CAMSAP1: variants seen among roughly 807,000 people sequenced by gnomAD.
The protein encoded by CAMSAP1 is calmodulin-regulated spectrin-associated protein 1.
Under a neutral mutation model 143.5 loss-of-function variants are expected in CAMSAP1, and 58 were observed. The observed-to-expected ratio is 0.40, with a 90% CI of 0.33 to 0.50. The LOEUF is 0.50. CAMSAP1 is among the 20% of genes least tolerant of loss of function. The probability of loss-of-function intolerance (pLI) is 0.45; values close to 1 mark genes in which losing one functional copy is unlikely to be tolerated. For synonymous variants in CAMSAP1, 945 were observed against 859.3 expected (o/e 1.10, Z -1.74); for missense variants, 1,969 against 2,115.7 (o/e 0.93, Z 1.36).
chr9:135,851,036 C>A (rs542998571), intron 5 of CAMSAP1, among the ~76,000 whole-genome samples: 2 of 152,170 alleles, frequency 1.3e-5, no homozygotes, highest in Admixed American at 1.3e-4. Context: ...TTCCATTGCA[C>A]GTGACTTTGC....
At chr9:135,862,389 A>G in intron 5 of CAMSAP1, 78 bp downstream of exon 5, 3 of 1,379,462 alleles carry the variant, frequency 2.2e-6, no homozygotes, top group Non-Finnish European at 1.9e-6. Flanking sequence ...TTTTTTTAAT[A>G]TATATGTGGA....
At chr9:135,875,211 A>ATT (rs56899993) in intron 3 of CAMSAP1, among the ~76,000 whole-genome samples, 2,735 of 147,012 alleles carry the variant, frequency 0.019, 63 homozygotes, top group African/African-American at 0.051. Context: ...AGTGAAAACA[A>ATT]TTTTTTTTTT....
chr9:135,892,198 C>T (rs907360843), intron 1 of CAMSAP1, among the ~76,000 whole-genome samples: 2 of 152,092 alleles, frequency 1.3e-5, no homozygotes, highest in South Asian at 2.1e-4. Flanking sequence ...CAAAGAAAAC[C>T]GTGTGCAGAC....
chr9:135,839,446 G>C (rs760363595), intron 7 of CAMSAP1, among the ~76,000 whole-genome samples: 1 of 152,166 alleles, frequency 6.6e-6, no homozygotes, highest in Non-Finnish European at 1.5e-5. Context: ...GGAAAGGGAG[G>C]GGTCATCACA....
intron 3 of CAMSAP1, among the ~76,000 whole-genome samples, chr9:135,877,249 C>T (rs1374126788): frequency 1.3e-5 from 2 of 151,914 alleles, no homozygotes; most frequent in Admixed American, 6.6e-5. Context: ...GAAGAGCACA[C>T]ACCGCACAAC....
At chr9:135,868,609 A>ATTTTTTTTTTTTTT (rs767495608) in intron 3 of CAMSAP1, among the ~76,000 whole-genome samples, 8 of 93,474 alleles carry the variant, frequency 8.6e-5, no homozygotes, top group African/African-American at 1.4e-4. Context: ...GAGATTGGCA[A>ATTTTTTTTTTTTTT]TTTTTTTTTT....
rs1181729542 is a variant in CAMSAP1, at chr9:135,826,810, A to AC, written c.1223+596dup. ...TCTTACTCCAAGGGAAGCTTCCTTC[A>AC]CCCCCTCCCCCAATTCTGGCACAGT... On this transcript the variant is annotated intron_variant, in intron 8 of 16. Transcript: ENST00000389532. The surrounding 1 kb of genome is among the most constrained non-coding windows in gnomAD (Gnocchi z 4.4). Among the ~76,000 whole-genome samples, 1 of 151,600 alleles carries AC rather than the reference A, an allele frequency of 6.6e-6. No homozygotes were observed. The highest frequency in any genetic ancestry group is 2.4e-5 in the African/African-American group (1 of 41,210).
chr9:135,816,570 G>A (rs1169928465), intron 14 of CAMSAP1, among the ~76,000 whole-genome samples: 3 of 152,328 alleles, frequency 2.0e-5, no homozygotes, highest in African/African-American at 7.2e-5. Flanking sequence ...TCACAAGGGA[G>A]GCAGACAGAG....
In CAMSAP1 at chr9:135,885,489, G is replaced by A. The variant is rs1008756355; in HGVS notation, c.161-2411C>T. On this transcript the variant is annotated intron_variant, in intron 1 of 16. Coordinates refer to ENST00000389532, the MANE Select transcript of CAMSAP1 (RefSeq NM_015447.4). ...GATGGCTCTGTGCAGAGTGGGAGAC[G>A]GGACAGGCACGTAAGTGGAGGGCTG... Among the ~76,000 whole-genome samples the A allele has an allele frequency of 8.5e-5, 13 of 152,152 alleles. 1 individual carries two copies. Among genetic ancestry groups the A allele is most frequent in the African/African-American group, 2.2e-4 (9 of 41,422 alleles).
At chr9:135,855,549 G>A (rs1285746829) in intron 5 of CAMSAP1, among the ~76,000 whole-genome samples, 1 of 150,950 alleles carries the variant, frequency 6.6e-6, no homozygotes, top group Admixed American at 6.6e-5. Flanking sequence ...GACCAGCCTG[G>A]CCAACATGGC....
chr9:135,886,363 AC>A (rs1463387844), intron 1 of CAMSAP1, among the ~76,000 whole-genome samples: 3 of 152,152 alleles, frequency 2.0e-5, no homozygotes, highest in African/African-American at 7.2e-5. Flanking sequence ...CCAGTCCCGC[AC>A]TGAGGAGTGG....
chr9:135,828,100 C>G (rs889023404), intron 7 of CAMSAP1, among the ~76,000 whole-genome samples: 1 of 152,242 alleles, frequency 6.6e-6, no homozygotes, highest in African/African-American at 2.4e-5. Flanking sequence ...TCAGCTCCAG[C>G]CCCTGGGGGT....
Position 135,823,309 on chromosome 9 carries a change from A to AC in CAMSAP1, c.1401-50dup, listed in dbSNP as rs35817183. On this transcript the variant is annotated intron_variant, in intron 10 of 16. Transcript: ENST00000389532. The stretch of plus-strand genomic sequence containing the variant: ...GGGTGCGCTGCGGTATACACCAAAG[A>AC]CCCCCAACATGGACCAGGGGGTGAG... 8 of 1,506,954 alleles carry AC rather than the reference A, an allele frequency of 5.3e-6. No individual in the cohort carries two copies. The African/African-American group carries it at 1.1e-4, about 21-fold the overall frequency. The allele number at this position is 1,506,954 out of a possible 1,614,324, so 93.3% of individuals were successfully genotyped here. A position where few individuals can be genotyped will look rare whatever the true frequency, so the allele number is the denominator to read the frequency against.
chr9:135,847,955 A>AGGGGAGTG (rs1836635371), intron 7 of CAMSAP1, among the ~76,000 whole-genome samples: 1 of 15,472 alleles, frequency 6.5e-5, no homozygotes, highest in Non-Finnish European at 1.3e-4. Context: ...GTGGGGGGGG[A>AGGGGAGTG]GGGGGAGGAG....
At position 135,830,836 on chromosome 9, in the gene CAMSAP1, A is replaced by G. The variant is rs533034340; in HGVS notation, c.1046-3252T>C. On this transcript the variant is annotated intron_variant, in intron 7 of 16. Coordinates refer to ENST00000389532, the MANE Select transcript of CAMSAP1 (RefSeq NM_015447.4). ...AAATATTTAAGATCAAAATCATGTCATGTATCTTTTCAAACCACAATGGAA... is the reference window on the plus strand; with the variant it reads ...AAATATTTAAGATCAAAATCATGTCGTGTATCTTTTCAAACCACAATGGAA... Among the ~76,000 whole-genome samples the G allele has an allele frequency of 3.3e-5, 5 of 152,344 alleles. No individual in the cohort carries two copies. In the South Asian group the frequency reaches 1.0e-3, roughly 32 times the overall value.
chr9:135,844,521 C>T (rs558023008), intron 7 of CAMSAP1, among the ~76,000 whole-genome samples: 2 of 152,092 alleles, frequency 1.3e-5, no homozygotes, highest in Non-Finnish European at 2.9e-5. Context: ...AATTGATGCT[C>T]AAACATCACA....
rs539012226 is a variant in CAMSAP1 at position 135,843,902 on chromosome 9, G to A, written c.1045+6235C>T. Among the ~76,000 whole-genome samples the A allele has an allele frequency of 2.9e-4, 43 of 147,374 alleles. No individual in the cohort carries two copies. In the East Asian group the frequency reaches 4.4e-3, roughly 15 times the overall value. Reference sequence around the variant, plus strand: ...AAAAAAAAAAAAAAAAAAAAGAAGCGCTAACTATCCTAAATCTGTATGCCC... The same window carrying A: ...AAAAAAAAAAAAAAAAAAAAGAAGCACTAACTATCCTAAATCTGTATGCCC... On this transcript the variant is annotated intron_variant, in intron 7 of 16. Coordinates refer to ENST00000389532, the MANE Select transcript of CAMSAP1 (RefSeq NM_015447.4).
intron 5 of CAMSAP1, among the ~76,000 whole-genome samples, chr9:135,855,991 G>A (rs1415262699): frequency 2.0e-5 from 3 of 152,112 alleles, no homozygotes; most frequent in Non-Finnish European, 4.4e-5. Context: ...GGTGGAGCTT[G>A]CAGTGAGCCG....
In CAMSAP1 at chr9:135,818,653, G is replaced by A. The variant is rs745534890; in HGVS notation, c.3960-37C>T. The A allele has an allele frequency of 1.2e-6, 2 of 1,600,658 alleles. No individual in the cohort carries two copies. The highest frequency in any genetic ancestry group is 1.7e-6 in the Non-Finnish European group (2 of 1,172,048). ...ACACGCCCAGACACTGCTCGGTCAC[G>A]GGGCTTCTTCCACGACGCCTGCGCC... On this transcript the variant is annotated intron_variant, in intron 12 of 16. Coordinates refer to ENST00000389532, the MANE Select transcript of CAMSAP1 (RefSeq NM_015447.4). The surrounding 1 kb of genome is among the most constrained non-coding windows in gnomAD (Gnocchi z 7.7).
Sources: gnomAD v4.1 joint callset for allele counts (sites outside exome capture counted in the v4.1 genomes callset) on GRCh38, gnomAD v4.1.1 for gene constraint, Gnocchi (gnomAD v3.1) non-coding constraint, MANE v1.5 for transcripts, NCBI Gene and HGNC (gene_info 2026-07-23, HGNC 2026-07-21) for gene names.